The following AFDN variants were observed in gnomAD, a reference collection of about 807,000 sequenced individuals.
AFDN encodes afadin.
AFDN carries 68 observed loss-of-function variants against 216.6 expected under a neutral mutation model. That is an observed-to-expected ratio of 0.31 (90% CI 0.26 to 0.38). AFDN has a LOEUF of 0.38. Among genes scored for constraint, AFDN ranks in the 10% least tolerant of loss-of-function variants. The pLI, the probability that AFDN is intolerant of heterozygous loss-of-function variation, is 1.00. For missense variants in AFDN, 2,136 were observed against 2,342.0 expected, an observed-to-expected ratio of 0.91 and a Z score of 1.82; for synonymous variants, 868 against 853.7, an observed-to-expected ratio of 1.02 and a Z score of -0.29.
intron 1 of AFDN, among the ~76,000 whole-genome samples, chr6:167,831,790 A>G (rs1260530387): frequency 1.3e-5 from 2 of 152,224 alleles, no homozygotes; most frequent in African/African-American, 2.4e-5. Context: ...TGATTGAGCA[A>G]TTGTAGTGTA....
intron 23 of AFDN, among the ~76,000 whole-genome samples, chr6:167,933,063 C>A (rs142682198): frequency 1.3e-5 from 2 of 152,058 alleles, no homozygotes; most frequent in African/African-American, 4.8e-5. Flanking sequence ...TGATAACTGC[C>A]GCTATGTAAC....
chr6:167,963,369 C>T, intron 31 of AFDN: 9 of 1,058,552 alleles, frequency 8.5e-6, no homozygotes, highest in Non-Finnish European at 1.0e-5. Context: ...CTGTTACTTC[C>T]CTTCTATGAA....
chr6:167,867,150 C>G (rs1383821964), intron 2 of AFDN, among the ~76,000 whole-genome samples: 1 of 152,192 alleles, frequency 6.6e-6, no homozygotes, highest in Non-Finnish European at 1.5e-5. Context: ...CAGCCCTCTT[C>G]TTGCTTTACT....
In AFDN at chr6:167,914,221, A is replaced by G; in HGVS notation, c.2112A>G (p.Glu704=). 6.2e-7 allele frequency: 1 copy of G among 1,614,210 alleles called. No homozygotes were observed. The highest frequency in any genetic ancestry group is 8.5e-7 in the Non-Finnish European group (1 of 1,180,020). The change falls in exon 17 of 34, where the codon GAA becomes GAG. Residue 704 remains glutamate, a synonymous_variant. Coordinates refer to ENST00000683244, the MANE Select transcript of AFDN (RefSeq NM_001386888.1). ...ALAFWMANAS[E]LLNFIKQDRD... is the part of the protein sequence containing the mutation. The stretch of plus-strand genomic sequence containing the variant: ...CCTTCTGGATGGCAAATGCATCTGA[A>G]CTTCTCAACTTCATTAAGCAAGACC...
At chr6:167,957,185 C>G (rs1376133603) in intron 30 of AFDN, among the ~76,000 whole-genome samples, 1 of 141,262 alleles carries the variant, frequency 7.1e-6, no homozygotes, top group Admixed American at 7.2e-5. Context: ...CCTGCCCCCA[C>G]TGCTTCATAT....
chr6:167,889,671 C>T (rs1355381860), intron 7 of AFDN, among the ~76,000 whole-genome samples: 1 of 152,190 alleles, frequency 6.6e-6, no homozygotes, highest in Non-Finnish European at 1.5e-5. Context: ...CTGCCTCCTT[C>T]ATTAACTTGC....
intron 12 of AFDN, among the ~76,000 whole-genome samples, chr6:167,904,859 A>G (rs1246225496): frequency 5.3e-5 from 8 of 152,134 alleles, no homozygotes; most frequent in African/African-American, 1.9e-4. Flanking sequence ...AAAAATGTAA[A>G]TTAGATTCTA....
chr6:167,912,322 GTTAT>G (rs1790500325), intron 15 of AFDN, among the ~76,000 whole-genome samples: 1 of 152,094 alleles, frequency 6.6e-6, no homozygotes, highest in South Asian at 2.1e-4. Flanking sequence ...TGTCAATGTT[GTTAT>G]TTAACTTAAT....
chr6:167,828,572 G>A (rs1305640726), intron 1 of AFDN, among the ~76,000 whole-genome samples: 1 of 152,198 alleles, frequency 6.6e-6, no homozygotes, highest in Non-Finnish European at 1.5e-5. Flanking sequence ...TATGAGTTAG[G>A]TTCTAGTAAG....
intron 30 of AFDN, among the ~76,000 whole-genome samples, chr6:167,960,622 C>G (rs1468981857): frequency 6.6e-6 from 1 of 152,182 alleles, no homozygotes; most frequent in Non-Finnish European, 1.5e-5. Context: ...AATATTCTCA[C>G]TTGCTTTATT....
intron 26 of AFDN, among the ~76,000 whole-genome samples, chr6:167,946,117 A>G (rs1192836860): frequency 3.4e-4 from 52 of 152,248 alleles, no homozygotes; most frequent in Admixed American, 3.2e-3. Flanking sequence ...TGCCTTGCTC[A>G]GCATGTTGTT....
chr6:167,966,143 C>A, intron 32 of AFDN, 98 bp downstream of exon 32: 1 of 1,535,096 alleles, frequency 6.5e-7, no homozygotes, highest in South Asian at 1.2e-5. Flanking sequence ...GCCCGGCCTC[C>A]GATGGCGTCT....
chr6:167,956,968 C>T (rs2128720455), intron 30 of AFDN, among the ~76,000 whole-genome samples: 1 of 152,348 alleles, frequency 6.6e-6, no homozygotes, highest in East Asian at 1.9e-4. Flanking sequence ...CCTCCTAAGT[C>T]TCTCCTTTCA....
chr6:167,962,448 C>T lies in AFDN; in HGVS notation c.4849C>T (p.Arg1617Trp), dbSNP rs1291046499. ...CTGTTGTTAGTTGCAGGACGAGGAGCGGAGGCGGCAGCAGCAGTTAGAAGA... is the reference window on the plus strand; with the variant it reads ...CTGTTGTTAGTTGCAGGACGAGGAGTGGAGGCGGCAGCAGCAGTTAGAAGA... ...ERRARLQDEE[R>W]RRQQQLEEMR... Residue 1617 changes from arginine (R) to tryptophan (W), a missense_variant, in exon 31 of 34, where the codon CGG becomes TGG. By Grantham distance (101) the Arg-to-Trp change is moderately radical. Coordinates refer to ENST00000683244, the MANE Select transcript of AFDN (RefSeq NM_001386888.1). This position sits in a 1 kb window ranked among gnomAD's most constrained non-coding sequence, Gnocchi z 5.2. 9.9e-6 allele frequency: 16 copies of T among 1,613,476 alleles called. No individual in the cohort carries two copies. The highest frequency in any genetic ancestry group is 3.3e-5 in the South Asian group (3 of 91,066).
chr6:167,905,977 C>T (rs930753679), intron 12 of AFDN, among the ~76,000 whole-genome samples: 16 of 152,162 alleles, frequency 1.1e-4, no homozygotes, highest in Middle Eastern at 3.4e-3. Context: ...TGGTGGCGGG[C>T]GCCTGTAGCC....
chr6:167,835,869 G>A lies in AFDN; in HGVS notation c.105+8632G>A, dbSNP rs1780369564. 3.3e-5 allele frequency among the ~76,000 whole-genome samples: 5 copies of A among 152,188 alleles called. No homozygotes were observed. The South Asian group carries it at 1.0e-3, about 32-fold the overall frequency. On this transcript the variant is annotated intron_variant, in intron 1 of 33. Coordinates refer to ENST00000683244, the MANE Select transcript of AFDN (RefSeq NM_001386888.1). ...GAGCTGCTGCCCTAGAATGTTTAGT[G>A]ATGAGTTTTAGGGCTGATTTAAAAA...
At chr6:167,895,256 A>T (rs2128366192) in intron 9 of AFDN, among the ~76,000 whole-genome samples, 1 of 152,248 alleles carries the variant, frequency 6.6e-6, no homozygotes, top group South Asian at 2.1e-4. Flanking sequence ...TAAGGGGGAC[A>T]CATTTCTTAA....
Position 167,951,477 on chromosome 6 carries a change from C to T in AFDN, c.4123C>T (p.Pro1375Ser). ...QPIRTDLPPP[P>S]PPPPVHYAGD... is the part of the protein sequence containing the mutation. ...AATCCGAACAGACCTGCCTCCGCCA[C>T]CCCCGCCACCTCCAGTCCACTATGC... is the stretch of plus-strand genomic sequence containing the variant. Residue 1375 changes from proline (P) to serine (S), a missense_variant, in exon 30 of 34, where the codon CCC becomes TCC. Transcript: ENST00000683244. This position sits in a 1 kb window ranked among gnomAD's most constrained non-coding sequence, Gnocchi z 7.1. 1 of 1,613,884 alleles carries T rather than the reference C, an allele frequency of 6.2e-7. No homozygotes were observed. Among genetic ancestry groups the T allele is most frequent in the South Asian group, 1.1e-5 (1 of 91,068 alleles).
chr6:167,881,074 T>C (rs1786043099), intron 6 of AFDN, among the ~76,000 whole-genome samples: 1 of 152,226 alleles, frequency 6.6e-6, no homozygotes, highest in African/African-American at 2.4e-5. Context: ...CCTAATAATA[T>C]TTAGTCTTCC....
Sources: gnomAD v4.1 joint callset for allele counts (sites outside exome capture counted in the v4.1 genomes callset) on GRCh38, gnomAD v4.1.1 for gene constraint, Gnocchi (gnomAD v3.1) non-coding constraint, MANE v1.5 for transcripts, NCBI Gene and HGNC (gene_info 2026-07-23, HGNC 2026-07-21) for gene names.